Variants in IFNAR2 observed in about 807,000 individuals in gnomAD.
IFNAR2 encodes the protein interferon alpha and beta receptor subunit 2.
A neutral mutation model predicts 49.4 loss-of-function variants in IFNAR2; 30 were observed. That is an observed-to-expected ratio of 0.61 (90% CI 0.45 to 0.82). The LOEUF (loss-of-function observed/expected upper bound fraction) is 0.82, where lower values mean the gene tolerates loss of function less well. Ranked by LOEUF, IFNAR2 falls within the 40% of genes least tolerant of loss-of-function variation. IFNAR2 has a pLI of 0.00. For missense variants in IFNAR2, 600 were observed against 622.7 expected (o/e 0.96, Z 0.39); for synonymous variants, 224 against 234.5 (o/e 0.96, Z 0.41).
chr21:33,243,564 C>A, intron 2 of IFNAR2, 109 bp from the exon 3 acceptor site: 1 of 1,022,700 alleles, frequency 9.8e-7, no homozygotes, highest in Non-Finnish European at 1.5e-6. Flanking sequence ...AGAAAAATCT[C>A]AATCTGATAC....
At chr21:33,251,717 A>C in intron 6 of IFNAR2, 6 of 985,142 alleles carry the variant, frequency 6.1e-6, no homozygotes, top group Non-Finnish European at 7.2e-6. Context: ...GTTATTATTC[A>C]TGAAAGAGCC....
intron 7 of IFNAR2, among the ~76,000 whole-genome samples, chr21:33,260,077 TG>T (rs1215522315): frequency 1.3e-5 from 2 of 152,174 alleles, no homozygotes; most frequent in Admixed American, 1.3e-4. Flanking sequence ...GGAATTTTGA[TG>T]AGAAACTAAG....
intron 7 of IFNAR2, among the ~76,000 whole-genome samples, chr21:33,257,693 C>G (rs962968521): frequency 3.3e-5 from 5 of 152,138 alleles, no homozygotes; most frequent in African/African-American, 1.2e-4. Context: ...CAAGAAAGTT[C>G]CCTAAGTCCT....
At chr21:33,239,450 A>G (rs550067875) in intron 1 of IFNAR2, among the ~76,000 whole-genome samples, 11 of 152,308 alleles carry the variant, frequency 7.2e-5, no homozygotes, top group South Asian at 2.1e-4. Context: ...ACAGCCATCA[A>G]TGTTGTGAGC....
At chr21:33,260,481 T>A in intron 7 of IFNAR2, 116 bp from the exon 8 acceptor site, 7 of 980,590 alleles carry the variant, frequency 7.1e-6, no homozygotes, top group Non-Finnish European at 1.0e-5. Flanking sequence ...AAAACTGTTT[T>A]TTCAAACCTT....
chr21:33,240,422 T>C (rs1986833081), intron 1 of IFNAR2, among the ~76,000 whole-genome samples: 1 of 152,230 alleles, frequency 6.6e-6, no homozygotes, highest in South Asian at 2.1e-4. Flanking sequence ...TATACTCTGA[T>C]GTTCATACAA....
chr21:33,260,825 C>G, intron 8 of IFNAR2, 98 bp downstream of exon 8: 2 of 765,006 alleles, frequency 2.6e-6, no homozygotes, highest in Non-Finnish European at 3.8e-6. Flanking sequence ...AGAAGAAAAT[C>G]TCATTTTCTA....
intron 1 of IFNAR2, chr21:33,234,659 A>C (rs1968163435): frequency 1.4e-6 from 1 of 735,916 alleles, no homozygotes; most frequent in South Asian, 6.4e-5. Context: ...GGGCCTTGAA[A>C]ATTGGCAGGG....
In IFNAR2 at chr21:33,250,983, G is replaced by A. The variant is rs201738798; in HGVS notation, c.541-1679G>A. 1.4e-4 allele frequency among the ~76,000 whole-genome samples: 22 copies of A among 152,314 alleles called. No individual in the cohort carries two copies. In the East Asian group the frequency reaches 2.3e-3, roughly 16 times the overall value. ...CCAGGTGTCCGTAAGGAATCTAGGA[G>A]GAGACGTGGGGAAGGAGCTGGATGT... On this transcript the variant is annotated intron_variant, in intron 6 of 8. Coordinates refer to ENST00000342136, the MANE Select transcript of IFNAR2 (RefSeq NM_001289125.3).
chr21:33,243,757 G>T, intron 3 of IFNAR2, 43 bp downstream of exon 3: 1 of 1,367,806 alleles, frequency 7.3e-7, no homozygotes, highest in Non-Finnish European at 1.0e-6. Context: ...GTATAAGAGT[G>T]AAAGTGTTGG....
At chr21:33,252,356 T>G in intron 6 of IFNAR2, 2 of 805,110 alleles carry the variant, frequency 2.5e-6, no homozygotes, top group Non-Finnish European at 3.5e-6. Context: ...GAAGATAATC[T>G]TGTAAAAATG....
At chr21:33,247,254 C>CTTTTTTT (rs59707670) in intron 5 of IFNAR2, among the ~76,000 whole-genome samples, 17 of 91,526 alleles carry the variant, frequency 1.9e-4, no homozygotes, top group African/African-American at 5.0e-4. Context: ...TTCTTTCTTT[C>CTTTTTTT]TTTTTTTTTT....
chr21:33,242,013 C>G, intron 2 of IFNAR2, 36 bp downstream of exon 2: 1 of 1,597,988 alleles, frequency 6.3e-7, no homozygotes, highest in Non-Finnish European at 8.5e-7. Context: ...CTTATAGAAG[C>G]AAGCTGTGAT....
intron 1 of IFNAR2, among the ~76,000 whole-genome samples, chr21:33,241,544 G>A (rs1014526018): frequency 6.6e-6 from 1 of 152,120 alleles, no homozygotes; most frequent in Admixed American, 6.5e-5. Flanking sequence ...TTAGGAATAT[G>A]TATTTGTTTT....
intron 3 of IFNAR2, 89 bp from the exon 4 acceptor site, chr21:33,244,862 G>A: frequency 7.7e-7 from 1 of 1,302,234 alleles, no homozygotes; most frequent in Non-Finnish European, 1.1e-6. Context: ...CCAGAGGTGT[G>A]GGTTCTAGAT....
chr21:33,260,467 A>G (rs1988486864), intron 7 of IFNAR2, 130 bp from the exon 8 acceptor site: 10 of 730,374 alleles, frequency 1.4e-5, no homozygotes, highest in Middle Eastern at 3.9e-4. Context: ...GTATTTCTCA[A>G]TATAAAACTG....
intron 5 of IFNAR2, among the ~76,000 whole-genome samples, chr21:33,247,448 C>G (rs1367239317): frequency 6.6e-6 from 1 of 151,884 alleles, no homozygotes; most frequent in Non-Finnish European, 1.5e-5. Context: ...AAATGTTTCA[C>G]CATGTTGGCC....
intron 8 of IFNAR2, among the ~76,000 whole-genome samples, chr21:33,260,997 AGT>A (rs1988531508): frequency 8.0e-6 from 1 of 125,628 alleles, no homozygotes; most frequent in Admixed American, 8.4e-5. Context: ...TGCAGTTGTA[AGT>A]GTATCTGTGC....
intron 3 of IFNAR2, among the ~76,000 whole-genome samples, chr21:33,244,341 T>C (rs1261476844): frequency 6.6e-6 from 1 of 152,226 alleles, no homozygotes; most frequent in Non-Finnish European, 1.5e-5. Flanking sequence ...CATTGTATAA[T>C]TCAACTCAGT....
Sources: allele counts gnomAD v4.1 joint callset (sites outside exome capture counted in the v4.1 genomes callset), GRCh38; gene constraint gnomAD v4.1.1; transcripts MANE v1.5; gene names NCBI Gene and HGNC (gene_info 2026-07-23, HGNC 2026-07-21).